The following GUCY1A2 variants were observed in gnomAD, a reference collection of about 807,000 sequenced individuals.
GUCY1A2 encodes the protein guanylate cyclase 1 soluble subunit alpha 2, also known as guanylate cyclase soluble subunit alpha-2.
GUCY1A2 carries 27 observed loss-of-function variants against 63.5 expected under a neutral mutation model. That is an observed-to-expected ratio of 0.43 (90% CI 0.31 to 0.59). GUCY1A2 has a LOEUF of 0.59. Among genes scored for constraint, GUCY1A2 ranks in the 20% least tolerant of loss-of-function variants. The probability of loss-of-function intolerance (pLI) is 0.11; values close to 1 mark genes in which losing one functional copy is unlikely to be tolerated. For synonymous variants in GUCY1A2, 364 were observed against 343.5 expected (o/e 1.06, Z -0.66); for missense variants, 768 against 913.3 (o/e 0.84, Z 2.05).
At chr11:106,703,144 T>C (rs1183482159) in intron 7 of GUCY1A2, among the ~76,000 whole-genome samples, 1 of 152,184 alleles carries the variant, frequency 6.6e-6, no homozygotes, top group Non-Finnish European at 1.5e-5. Flanking sequence ...CCCTTGAACA[T>C]TGGACTCCAA....
chr11:106,813,222 A>G (rs1858787816), intron 4 of GUCY1A2, among the ~76,000 whole-genome samples: 1 of 152,052 alleles, frequency 6.6e-6, no homozygotes, highest in East Asian at 1.9e-4. Context: ...ATAAATTGTC[A>G]TAACATTTGT....
At chr11:106,837,120 AT>A (rs1297013222) in intron 4 of GUCY1A2, among the ~76,000 whole-genome samples, 6 of 151,616 alleles carry the variant, frequency 4.0e-5, no homozygotes, top group Non-Finnish European at 8.8e-5. Flanking sequence ...CCCAATAGTT[AT>A]TTTTTTCTGA....
intron 7 of GUCY1A2, among the ~76,000 whole-genome samples, chr11:106,708,104 C>CTTTA (rs1008313284): frequency 6.6e-6 from 1 of 151,564 alleles, no homozygotes; most frequent in South Asian, 2.1e-4. Context: ...AATTTAAAGA[C>CTTTA]TTTATTTATT....
chr11:106,909,870 A>G (rs1341179695), intron 4 of GUCY1A2, among the ~76,000 whole-genome samples: 1 of 152,022 alleles, frequency 6.6e-6, no homozygotes, highest in Non-Finnish European at 1.5e-5. Flanking sequence ...GCTAATACCT[A>G]AGAATGAAAT....
At chr11:106,860,193 T>C (rs537376007) in intron 4 of GUCY1A2, among the ~76,000 whole-genome samples, 15 of 152,090 alleles carry the variant, frequency 9.9e-5, no homozygotes, top group African/African-American at 3.4e-4. Flanking sequence ...GAGCTAATAA[T>C]GTATACACAC....
chr11:106,709,535 A>C (rs1484088593), intron 6 of GUCY1A2, among the ~76,000 whole-genome samples: 1 of 73,214 alleles, frequency 1.4e-5, no homozygotes, highest in African/African-American at 7.5e-5. Flanking sequence ...ATAATAATAT[A>C]ATATATTATA....
chr11:106,747,192 G>A (rs1394903157), intron 6 of GUCY1A2, among the ~76,000 whole-genome samples: 1 of 152,116 alleles, frequency 6.6e-6, no homozygotes, highest in Non-Finnish European at 1.5e-5. Context: ...GTTTCACCGT[G>A]TTAGCCAGGA....
At chr11:106,920,182 G>A (rs1409053963) in intron 4 of GUCY1A2, among the ~76,000 whole-genome samples, 1 of 151,564 alleles carries the variant, frequency 6.6e-6, no homozygotes, top group Non-Finnish European at 1.5e-5. Context: ...CACACACCAG[G>A]GCAATAACAC....
At chr11:106,947,990 A>G (rs1043061326) in intron 3 of GUCY1A2, among the ~76,000 whole-genome samples, 3 of 152,158 alleles carry the variant, frequency 2.0e-5, no homozygotes, top group African/African-American at 4.8e-5. Context: ...ATACATAGGC[A>G]CATATTAAGA....
At chr11:106,798,189 A>G (rs2135416869) in intron 5 of GUCY1A2, among the ~76,000 whole-genome samples, 1 of 152,286 alleles carries the variant, frequency 6.6e-6, no homozygotes, top group East Asian at 1.9e-4. Context: ...TCCTGGACAC[A>G]TACACCCTCC....
intron 5 of GUCY1A2, among the ~76,000 whole-genome samples, chr11:106,779,914 C>T (rs1864429114): frequency 1.3e-5 from 2 of 152,176 alleles, no homozygotes; most frequent in Admixed American, 1.3e-4. Context: ...GGCGTGGTGG[C>T]TGACACCTGG....
chr11:106,801,922 G>A (rs538456264), intron 5 of GUCY1A2, among the ~76,000 whole-genome samples: 7 of 152,226 alleles, frequency 4.6e-5, no homozygotes, highest in Non-Finnish European at 1.0e-4. Flanking sequence ...CCACAGGATT[G>A]TTCTGGAAAA....
intron 4 of GUCY1A2, among the ~76,000 whole-genome samples, chr11:106,851,072 C>T (rs1353806818): frequency 6.6e-6 from 1 of 151,958 alleles, no homozygotes; most frequent in African/African-American, 2.4e-5. Flanking sequence ...TTTTGATTTG[C>T]ATTTCCCTAA....
chr11:106,753,205 G>A (rs547951414), intron 6 of GUCY1A2, among the ~76,000 whole-genome samples: 20 of 152,262 alleles, frequency 1.3e-4, no homozygotes, highest in African/African-American at 4.8e-4. Flanking sequence ...CCTACTTTTT[G>A]ATGGGGTTGT....
chr11:106,836,514 C>A (rs1037126664), intron 4 of GUCY1A2, among the ~76,000 whole-genome samples: 3 of 151,954 alleles, frequency 2.0e-5, no homozygotes, highest in African/African-American at 7.2e-5. Context: ...TCAACTTTTT[C>A]TTGTAATGTC....
intron 4 of GUCY1A2, among the ~76,000 whole-genome samples, chr11:106,923,413 A>G (rs1027788186): frequency 1.3e-5 from 2 of 152,196 alleles, no homozygotes; most frequent in Admixed American, 6.5e-5. Context: ...ACAAAACTCT[A>G]CATGTCTGAC....
chr11:106,715,968 G>C (rs1009518490), intron 6 of GUCY1A2, among the ~76,000 whole-genome samples: 4 of 152,214 alleles, frequency 2.6e-5, no homozygotes, highest in Admixed American at 1.3e-4. Flanking sequence ...CCACTCTGGA[G>C]AATCAGTAGT....
chr11:106,847,729 A>G (rs1859295470), intron 4 of GUCY1A2, among the ~76,000 whole-genome samples: 1 of 151,694 alleles, frequency 6.6e-6, no homozygotes, highest in East Asian at 1.9e-4. Flanking sequence ...GTATAAATCC[A>G]TTGTATTTCC....
chr11:106,918,986 T>C (rs959979529), intron 4 of GUCY1A2, among the ~76,000 whole-genome samples: 1 of 152,210 alleles, frequency 6.6e-6, no homozygotes, highest in African/African-American at 2.4e-5. Flanking sequence ...GTGTATTTCA[T>C]CTTTAATACC....
Sources: gnomAD v4.1 joint callset for allele counts (sites outside exome capture counted in the v4.1 genomes callset) on GRCh38, gnomAD v4.1.1 for gene constraint, MANE v1.5 for transcripts, NCBI Gene and HGNC (gene_info 2026-07-23, HGNC 2026-07-21) for gene names.